CYP4X1: variants seen among roughly 807,000 people sequenced by gnomAD.
The protein encoded by CYP4X1 is cytochrome P450 4X1.
A neutral mutation model predicts 57.9 loss-of-function variants in CYP4X1; 44 were observed. The observed-to-expected ratio is 0.76, with a 90% CI of 0.60 to 0.98. The LOEUF (loss-of-function observed/expected upper bound fraction) is 0.98, where lower values mean the gene tolerates loss of function less well. Among genes scored for constraint, CYP4X1 ranks in the 50% least tolerant of loss-of-function variants. The pLI, the probability that CYP4X1 is intolerant of heterozygous loss-of-function variation, is 0.00. For synonymous variants in CYP4X1, 227 were observed against 228.6 expected, an observed-to-expected ratio of 0.99 and a Z score of 0.06; for missense variants, 532 against 623.9, an observed-to-expected ratio of 0.85 and a Z score of 1.57.
chr1:47,040,329 CATAT>C (rs1370188199), intron 8 of CYP4X1, among the ~76,000 whole-genome samples: 1 of 152,102 alleles, frequency 6.6e-6, no homozygotes, highest in Non-Finnish European at 1.5e-5. Flanking sequence ...AGACTTTAAG[CATAT>C]ACTGCTGTTA....
chr1:46,961,791 C>G, the CYP4X1 span: 14 of 1,296,500 alleles, frequency 1.1e-5, no homozygotes, highest in Non-Finnish European at 1.3e-5. Context: ...CCTTGCCCAC[C>G]CCAGACCCTT....
downstream of CYP4X1, among the ~76,000 whole-genome samples, chr1:47,052,914 C>CT (rs1011604822): frequency 9.9e-5 from 15 of 151,960 alleles, no homozygotes; most frequent in East Asian, 5.8e-4. Context: ...TTCTCTATTT[C>CT]TTTTTTTTAT....
chr1:46,975,120 G>A, the CYP4X1 span, among the ~76,000 whole-genome samples: 1 of 152,094 alleles, frequency 6.6e-6, no homozygotes, highest in African/African-American at 2.4e-5. Context: ...ATTATTGCCT[G>A]CAGTCATCCT....
At chr1:46,983,268 G>A in the CYP4X1 span, among the ~76,000 whole-genome samples, 1 of 152,170 alleles carries the variant, frequency 6.6e-6, no homozygotes, top group South Asian at 2.1e-4. Flanking sequence ...GCCTATGGAA[G>A]CATTCAGCAG....
At chr1:46,965,789 A>G in the CYP4X1 span, among the ~76,000 whole-genome samples, 1 of 152,216 alleles carries the variant, frequency 6.6e-6, no homozygotes, top group African/African-American at 2.4e-5. Context: ...TATTCTCTAT[A>G]GCTGGCAGGC....
At chr1:47,040,014 ATAGTT>A (rs1644228187) in intron 8 of CYP4X1, among the ~76,000 whole-genome samples, 1 of 139,756 alleles carries the variant, frequency 7.2e-6, no homozygotes, top group Admixed American at 7.3e-5. Flanking sequence ...GATATATACT[ATAGTT>A]AAGTTTAGCA....
chr1:47,022,784 G>A (rs1407789512), upstream of CYP4X1, among the ~76,000 whole-genome samples: 1 of 152,104 alleles, frequency 6.6e-6, no homozygotes, highest in African/African-American at 2.4e-5. Flanking sequence ...GCCTGTCTTA[G>A]CCTAAATCAA....
At chr1:47,029,569 A>G (rs1039879176) in intron 1 of CYP4X1, among the ~76,000 whole-genome samples, 3 of 152,190 alleles carry the variant, frequency 2.0e-5, no homozygotes, top group African/African-American at 7.2e-5. Context: ...GGAAGAAGAA[A>G]TGGTGAGCTG....
chr1:47,021,896 T>C (rs1021828), upstream of CYP4X1, among the ~76,000 whole-genome samples: 64,762 of 151,940 alleles, frequency 0.43, 14,789 homozygotes, highest in East Asian at 0.87. Flanking sequence ...CTCGGTCTCA[T>C]GAAGAACCCA....
the CYP4X1 span, among the ~76,000 whole-genome samples, chr1:47,004,206 G>A: frequency 5.3e-5 from 8 of 152,166 alleles, no homozygotes; most frequent in African/African-American, 1.2e-4. Flanking sequence ...CCCTGTGCTC[G>A]GGGCCGCTCC....
At chr1:47,051,378 CAA>C (rs71658807), downstream of CYP4X1, among the ~76,000 whole-genome samples, 12 of 135,158 alleles carry the variant, frequency 8.9e-5, no homozygotes, top group Non-Finnish European at 9.7e-5. Flanking sequence ...GACTCCATCT[CAA>C]AAAAAAAAAA....
chr1:46,978,236 A>C, the CYP4X1 span, among the ~76,000 whole-genome samples: 1 of 152,116 alleles, frequency 6.6e-6, no homozygotes, highest in Non-Finnish European at 1.5e-5. Flanking sequence ...GACCCATCTC[A>C]TGTGCAGCAA....
intron 8 of CYP4X1, among the ~76,000 whole-genome samples, chr1:47,041,022 C>T (rs1644241273): frequency 1.3e-5 from 2 of 152,106 alleles, no homozygotes; most frequent in Admixed American, 1.3e-4. Context: ...TAGATTTCCA[C>T]ATGTGAGATC....
At chr1:47,038,395 T>C (rs1175058575) in intron 6 of CYP4X1, among the ~76,000 whole-genome samples, 2 of 152,202 alleles carry the variant, frequency 1.3e-5, no homozygotes, top group African/African-American at 2.4e-5. Context: ...AAAAGAATAA[T>C]TGGTCACTTG....
At chr1:47,033,946 G>T (rs1033791480) in intron 4 of CYP4X1, among the ~76,000 whole-genome samples, 2 of 152,210 alleles carry the variant, frequency 1.3e-5, no homozygotes, top group Non-Finnish European at 2.9e-5. Context: ...CTTACACAAG[G>T]AACAATAGAT....
At chr1:47,021,142 CAAAAAAAAAAAAAAAAA>C (rs546594827), upstream of CYP4X1, among the ~76,000 whole-genome samples, 1 of 47,452 alleles carries the variant, frequency 2.1e-5, no homozygotes, top group Non-Finnish European at 3.3e-5. Flanking sequence ...GCAGGAATGC[CAAAAAAAAAAAAAAAAA>C]AAAAAAAAAG....
chr1:47,020,563 T>C (rs182267587), upstream of CYP4X1, among the ~76,000 whole-genome samples: 101 of 152,340 alleles, frequency 6.6e-4, no homozygotes, highest in African/African-American at 2.3e-3. Flanking sequence ...CCCCAGTGCA[T>C]TGAGCTCCCA....
At chr1:47,015,261 C>G in the CYP4X1 span, among the ~76,000 whole-genome samples, 1 of 152,176 alleles carries the variant, frequency 6.6e-6, no homozygotes, top group Non-Finnish European at 1.5e-5. Flanking sequence ...TTTCCATTGT[C>G]TTACCTCCAG....
At chr1:47,019,864 C>T (rs1643978487), upstream of CYP4X1, among the ~76,000 whole-genome samples, 2 of 152,176 alleles carry the variant, frequency 1.3e-5, no homozygotes. Flanking sequence ...TAACTGAGTA[C>T]ATATAAATCA....
Sources: allele counts gnomAD v4.1 joint callset (sites outside exome capture counted in the v4.1 genomes callset), GRCh38; gene constraint gnomAD v4.1.1; transcripts MANE v1.5; gene names NCBI Gene and HGNC (gene_info 2026-07-23, HGNC 2026-07-21).